The following TDRP variants were observed in gnomAD, a reference collection of about 807,000 sequenced individuals.
TDRP encodes testis development related protein.
Under a neutral mutation model 10.5 loss-of-function variants are expected in TDRP, and 12 were observed. That is an observed-to-expected ratio of 1.15 (90% CI 0.73 to 1.86). The LOEUF (loss-of-function observed/expected upper bound fraction) is 1.86, where lower values mean the gene tolerates loss of function less well. Among genes scored for constraint, TDRP ranks in the 40% most tolerant of loss-of-function variants. The pLI is 0.00. For missense variants in TDRP, 353 were observed against 229.2 expected, an observed-to-expected ratio of 1.54 and a Z score of -3.49; for synonymous variants, 139 against 95.4, an observed-to-expected ratio of 1.46 and a Z score of -2.67.
At chr8:524,460 G>A (rs770887981) in intron 1 of TDRP, among the ~76,000 whole-genome samples, 3 of 152,050 alleles carry the variant, frequency 2.0e-5, no homozygotes, top group Non-Finnish European at 4.4e-5. Flanking sequence ...AAAGGCCTCA[G>A]AAACAGAGAT....
At chr8:530,413 A>G (rs993392515) in intron 1 of TDRP, among the ~76,000 whole-genome samples, 1 of 151,940 alleles carries the variant, frequency 6.6e-6, no homozygotes, top group Admixed American at 6.6e-5. Context: ...CTGTTTCTTC[A>G]TATGTCTCAT....
At position 492,981 on chromosome 8, in the gene TDRP, C is replaced by G. The variant is rs1421505892; in HGVS notation, c.213-237G>C. Among the ~76,000 whole-genome samples, 3 of 152,114 alleles carry G rather than the reference C, an allele frequency of 2.0e-5. No homozygotes were observed. In the East Asian group the frequency reaches 5.8e-4, roughly 29 times the overall value. On this transcript the variant is annotated intron_variant, in intron 2 of 2. Coordinates refer to ENST00000324079, the MANE Select transcript of TDRP (RefSeq NM_001384899.1). The stretch of plus-strand genomic sequence containing the variant: ...CACTTGGCAATACATAAGCAAAGAA[C>G]TAGTTCTGACAAGAAAGAAGTATTA...
chr8:537,451 A>G (rs142909231), intron 1 of TDRP, among the ~76,000 whole-genome samples: 1 of 152,356 alleles, frequency 6.6e-6, no homozygotes, highest in African/African-American at 2.4e-5. Context: ...CTATTATTTA[A>G]TAACAAGACC....
chr8:509,950 G>T (rs868417916), intron 1 of TDRP, among the ~76,000 whole-genome samples: 3 of 152,182 alleles, frequency 2.0e-5, no homozygotes, highest in Non-Finnish European at 2.9e-5. Context: ...AACCTGAGAA[G>T]TGGAGGTTGC....
chr8:513,588 G>A (rs1801674712), intron 1 of TDRP, among the ~76,000 whole-genome samples: 1 of 152,168 alleles, frequency 6.6e-6, no homozygotes, highest in South Asian at 2.1e-4. Context: ...CCTCCCAAGA[G>A]CAGGAACAAG....
At chr8:496,705 G>A (rs1216337383) in intron 1 of TDRP, among the ~76,000 whole-genome samples, 1 of 152,154 alleles carries the variant, frequency 6.6e-6, no homozygotes. Context: ...TGTCCTAAAG[G>A]TGTGATACGG....
chr8:513,610 T>C (rs1159512538), intron 1 of TDRP, among the ~76,000 whole-genome samples: 2 of 152,222 alleles, frequency 1.3e-5, no homozygotes, highest in Admixed American at 1.3e-4. Flanking sequence ...CAAGGAAGCC[T>C]ATTCTTGCCT....
intron 1 of TDRP, among the ~76,000 whole-genome samples, chr8:542,061 A>G (rs1802509113): frequency 6.6e-6 from 1 of 152,222 alleles, no homozygotes; most frequent in African/African-American, 2.4e-5. Flanking sequence ...ACACCCAAAC[A>G]GTGGAATACT....
At chr8:493,675 A>G (rs968379005) in intron 2 of TDRP, among the ~76,000 whole-genome samples, 1 of 152,254 alleles carries the variant, frequency 6.6e-6, no homozygotes, top group Admixed American at 6.5e-5. Flanking sequence ...AACACTGATG[A>G]TAAAGTAGCA....
At chr8:534,943 G>C (rs770298304) in intron 1 of TDRP, among the ~76,000 whole-genome samples, 5 of 152,092 alleles carry the variant, frequency 3.3e-5, no homozygotes, top group Non-Finnish European at 7.4e-5. Flanking sequence ...TCCAAACCAA[G>C]ACACGCTCTG....
At chr8:522,692 C>G (rs529424883) in intron 1 of TDRP, among the ~76,000 whole-genome samples, 1 of 152,136 alleles carries the variant, frequency 6.6e-6, no homozygotes, top group African/African-American at 2.4e-5. Flanking sequence ...GATGTTAATC[C>G]GACTGACTCG....
At chr8:506,533 G>C (rs140821956) in intron 1 of TDRP, among the ~76,000 whole-genome samples, 1 of 152,216 alleles carries the variant, frequency 6.6e-6, no homozygotes, top group Non-Finnish European at 1.5e-5. Context: ...CGGGAAGGAG[G>C]CGCTGCTGTG....
intron 1 of TDRP, among the ~76,000 whole-genome samples, chr8:507,564 C>T (rs1801500611): frequency 6.6e-6 from 1 of 152,160 alleles, no homozygotes; most frequent in South Asian, 2.1e-4. Context: ...AGAAAGCCTG[C>T]CACACCTCCA....
chr8:514,382 G>C (rs977770969), intron 1 of TDRP, among the ~76,000 whole-genome samples: 3 of 152,218 alleles, frequency 2.0e-5, no homozygotes, highest in Admixed American at 1.3e-4. Flanking sequence ...ACAAATGGCT[G>C]TGTGACAACT....
At chr8:513,833 T>A (rs749863399) in intron 1 of TDRP, among the ~76,000 whole-genome samples, 1 of 152,190 alleles carries the variant, frequency 6.6e-6, no homozygotes, top group Non-Finnish European at 1.5e-5. Context: ...CGAAAATCAA[T>A]TGCGTTCTTA....
chr8:501,035 T>A (rs939981877), intron 1 of TDRP, among the ~76,000 whole-genome samples: 1 of 151,906 alleles, frequency 6.6e-6, no homozygotes, highest in South Asian at 2.1e-4. Flanking sequence ...TGAAACCCCG[T>A]CTCTACTAAA....
chr8:506,120 G>C (rs1450723838), intron 1 of TDRP, among the ~76,000 whole-genome samples: 1 of 152,126 alleles, frequency 6.6e-6, no homozygotes. Flanking sequence ...ATTTTTTCAA[G>C]AAACGAATAC....
rs772398968 is a variant in TDRP at position 494,707 on chromosome 8, C to T, written c.109-110G>A. ...AATTTAGAAAAAAGAATTGGCAGAGCTTACATCTTAGCTTTCCATACCTGT... is the reference window on the plus strand; with the variant it reads ...AATTTAGAAAAAAGAATTGGCAGAGTTTACATCTTAGCTTTCCATACCTGT... On this transcript the variant is annotated intron_variant, in intron 1 of 2. Transcript: ENST00000324079. 78 of 918,694 alleles carry T rather than the reference C, an allele frequency of 8.5e-5. 1 individual carries two copies. In the South Asian group the frequency reaches 1.2e-3, roughly 14 times the overall value. The allele number at this position is 918,694 out of a possible 1,614,324, so 56.9% of individuals were successfully genotyped here.
intron 1 of TDRP, among the ~76,000 whole-genome samples, chr8:544,200 T>C (rs1802574570): frequency 2.0e-5 from 3 of 152,104 alleles, no homozygotes; most frequent in Admixed American, 6.5e-5. Context: ...GCCGTCCGGA[T>C]GCGCGATGAT....
Sources: gnomAD v4.1 joint callset for allele counts (sites outside exome capture counted in the v4.1 genomes callset) on GRCh38, gnomAD v4.1.1 for gene constraint, MANE v1.5 for transcripts, NCBI Gene and HGNC (gene_info 2026-07-23, HGNC 2026-07-21) for gene names.